The following GPHN variants were observed in gnomAD, a reference collection of about 807,000 sequenced individuals.
GPHN encodes gephyrin.
In GPHN, 17 loss-of-function variants were observed where a neutral mutation model predicts 95.5. That is an observed-to-expected ratio of 0.18 (90% CI 0.12 to 0.27). The LOEUF (loss-of-function observed/expected upper bound fraction) is 0.27. Among genes scored for constraint, GPHN ranks in the 10% least tolerant of loss-of-function variants. The pLI is 1.00. For synonymous variants in GPHN, 320 were observed against 322.5 expected, an observed-to-expected ratio of 0.99 and a Z score of 0.08; for missense variants, 660 against 978.1, an observed-to-expected ratio of 0.67 and a Z score of 4.34.
the GPHN span, among the ~76,000 whole-genome samples, chr14:67,378,255 T>TC: frequency 6.8e-6 from 1 of 147,324 alleles, no homozygotes; most frequent in Non-Finnish European, 1.5e-5. Flanking sequence ...CCATTAAGAG[T>TC]CCCCCAGAAA....
intron 18 of GPHN, among the ~76,000 whole-genome samples, chr14:67,154,799 A>G (rs945005177): frequency 5.3e-5 from 8 of 152,190 alleles, no homozygotes; most frequent in African/African-American, 1.7e-4. Context: ...ATAGAATAGC[A>G]TATTTGGACC....
At chr14:66,761,808 C>T (rs2058767186) in intron 2 of GPHN, among the ~76,000 whole-genome samples, 1 of 151,938 alleles carries the variant, frequency 6.6e-6, no homozygotes, top group Admixed American at 6.6e-5. Context: ...TACAGGCACC[C>T]ACCACCACTC....
At chr14:67,595,509 T>C in the GPHN span, among the ~76,000 whole-genome samples, 4 of 152,324 alleles carry the variant, frequency 2.6e-5, no homozygotes, top group East Asian at 1.9e-4. Context: ...CCAGCCCCAA[T>C]TGAACAGTGA....
intron 2 of GPHN, among the ~76,000 whole-genome samples, chr14:66,681,599 A>G (rs2066933927): frequency 6.6e-6 from 1 of 152,150 alleles, no homozygotes; most frequent in Non-Finnish European, 1.5e-5. Context: ...AACAATATAC[A>G]TTTGAATATG....
chr14:67,200,309 G>T, the GPHN span: 1 of 664,806 alleles, frequency 1.5e-6, no homozygotes, highest in Non-Finnish European at 2.7e-6. Flanking sequence ...GCCCGCTTTG[G>T]AGCCCTCTCC....
rs572301499 is a variant in GPHN, at chr14:66,712,528, G to C, written c.143+31343G>C. ...ATTGCAAAAATTTTCTCCCATTCTG[G>C]AGATATTAGCCCTTTGTCAGATGGA... On this transcript the variant is annotated intron_variant, in intron 2 of 22. Coordinates refer to ENST00000478722, the MANE Select transcript of GPHN (RefSeq NM_020806.5). Among the ~76,000 whole-genome samples the C allele has an allele frequency of 4.2e-4, 64 of 152,040 alleles. No individual in the cohort carries two copies. The South Asian group carries it at 0.013, about 31-fold the overall frequency.
chr14:67,320,270 A>G, the GPHN span: 1 of 1,613,606 alleles, frequency 6.2e-7, no homozygotes. Context: ...AGGAAATGTC[A>G]CTTTATCATC....
At chr14:66,762,255 A>G (rs1368036331) in intron 2 of GPHN, among the ~76,000 whole-genome samples, 2 of 152,266 alleles carry the variant, frequency 1.3e-5, no homozygotes, top group East Asian at 3.9e-4. Flanking sequence ...TAATTAATAT[A>G]CTAATTACCA....
intron 9 of GPHN, among the ~76,000 whole-genome samples, chr14:66,992,000 A>G (rs915287248): frequency 2.0e-5 from 3 of 152,154 alleles, no homozygotes; most frequent in Non-Finnish European, 4.4e-5. Flanking sequence ...AGTGGGGCCA[A>G]AGAGAGCCTA....
intron 1 of GPHN, among the ~76,000 whole-genome samples, chr14:66,591,121 A>C (rs2061624893): frequency 6.6e-6 from 1 of 152,050 alleles, no homozygotes; most frequent in Admixed American, 6.6e-5. Context: ...CATGCTAAAA[A>C]CTCTCAATAA....
the GPHN span, chr14:67,729,913 A>T: frequency 4.6e-6 from 2 of 431,184 alleles, no homozygotes; most frequent in African/African-American, 2.0e-5. Context: ...GCCCAGGGTG[A>T]AATCTCTTTC....
chr14:67,662,421 C>G, the GPHN span: 1 of 1,437,834 alleles, frequency 7.0e-7, no homozygotes, highest in Non-Finnish European at 9.8e-7. Context: ...CATAGCATTA[C>G]TTCTGGAAAA....
chr14:67,468,117 G>T, the GPHN span, among the ~76,000 whole-genome samples: 6 of 152,232 alleles, frequency 3.9e-5, no homozygotes, highest in South Asian at 1.2e-3. Context: ...GGGATTACAG[G>T]CATACGCTAC....
intron 1 of GPHN, among the ~76,000 whole-genome samples, chr14:66,676,577 C>G (rs1162873375): frequency 6.6e-6 from 1 of 151,276 alleles, no homozygotes. Context: ...TGCTTTTCAT[C>G]TATCATTCTG....
At chr14:67,650,898 A>G in the GPHN span, 3 of 1,614,082 alleles carry the variant, frequency 1.9e-6, no homozygotes, top group Non-Finnish European at 2.5e-6. Flanking sequence ...GAATCAGAAA[A>G]TCAAGCACGT....
the GPHN span, chr14:67,701,977 G>A: frequency 6.6e-6 from 1 of 151,962 alleles, no homozygotes; most frequent in African/African-American, 2.4e-5. Flanking sequence ...AATTTTTGTA[G>A]AGACAGTATC....
At chr14:67,681,921 T>G in the GPHN span, among the ~76,000 whole-genome samples, 2 of 152,192 alleles carry the variant, frequency 1.3e-5, no homozygotes, top group Admixed American at 6.5e-5. Flanking sequence ...CCCTCTGCCT[T>G]CATGAACAGA....
At chr14:67,457,361 A>C in the GPHN span, among the ~76,000 whole-genome samples, 1 of 152,236 alleles carries the variant, frequency 6.6e-6, no homozygotes. Flanking sequence ...TGGGAGGCTG[A>C]AGTGGGAGGA....
chr14:66,903,569 T>TAATTGAG (rs1013093930), intron 5 of GPHN, among the ~76,000 whole-genome samples: 1 of 152,174 alleles, frequency 6.6e-6, no homozygotes, highest in Non-Finnish European at 1.5e-5. Context: ...AGGTAACACA[T>TAATTGAG]AGTTGAGTCT....
Sources: gnomAD v4.1 joint callset for allele counts (sites outside exome capture counted in the v4.1 genomes callset) on GRCh38, gnomAD v4.1.1 for gene constraint, MANE v1.5 for transcripts, NCBI Gene and HGNC (gene_info 2026-07-23, HGNC 2026-07-21) for gene names.